Variants in UBN2 observed in about 807,000 individuals in gnomAD.
UBN2 encodes ubinuclein 2.
A neutral mutation model predicts 120.2 loss-of-function variants in UBN2; 35 were observed. That is an observed-to-expected ratio of 0.29 (90% confidence interval 0.22 to 0.39). The LOEUF is 0.39. UBN2 is among the 10% of genes least tolerant of loss of function. The pLI is 1.00. For missense variants in UBN2, 1,693 were observed against 1,663.2 expected, an observed-to-expected ratio of 1.02 and a Z score of -0.31; for synonymous variants, 661 against 648.7, an observed-to-expected ratio of 1.02 and a Z score of -0.29.
In UBN2 at chr7:139,307,985, T is replaced by G. The variant is rs780211006; in HGVS notation, c.*10149T>G. 2 of 151,838 alleles carry G rather than the reference T, an allele frequency of 1.3e-5. No homozygotes were observed. Among genetic ancestry groups the G allele is most frequent in the Non-Finnish European group, 2.9e-5 (2 of 67,936 alleles). 9.4% of individuals were successfully genotyped at this position (151,838 alleles called of 1,614,324 possible). A position where few individuals can be genotyped will look rare whatever the true frequency, so the allele number is the denominator to read the frequency against. The stretch of plus-strand genomic sequence containing the variant: ...ATATGGACCTGTGAATTTAGTAAAT[T>G]ACCCCCATGAATATACTCCTTCAGT... On this transcript the variant is annotated 3_prime_UTR_variant, in exon 18 of 18. Transcript: ENST00000473989.
chr7:139,320,092 GAA>G, the UBN2 span, among the ~76,000 whole-genome samples: 1 of 147,220 alleles, frequency 6.8e-6, no homozygotes. Context: ...AAAAAAGAGA[GAA>G]ATTTCACCCA....
At chr7:139,251,770 C>T (rs1197468315) in intron 2 of UBN2, among the ~76,000 whole-genome samples, 186 bp from the exon 3 acceptor site, 1 of 152,202 alleles carries the variant, frequency 6.6e-6, no homozygotes. Context: ...TACTCTGTCC[C>T]TCCCCTTTTT....
At chr7:139,324,721 A>G in the UBN2 span, among the ~76,000 whole-genome samples, 1 of 152,200 alleles carries the variant, frequency 6.6e-6, no homozygotes, top group African/African-American at 2.4e-5. Context: ...CTATAATCCC[A>G]GCACTTCGGG....
In UBN2 at chr7:139,297,990, A is replaced by T; in HGVS notation, c.*154A>T. On this transcript the variant is annotated 3_prime_UTR_variant, in exon 18 of 18. Transcript: ENST00000473989. ...GTGAGGAGGAAAAAGAAAAGAAAACATTACTTGAGCAAAGCCAGGTGCAGG... is the reference window on the plus strand; with the variant it reads ...GTGAGGAGGAAAAAGAAAAGAAAACTTTACTTGAGCAAAGCCAGGTGCAGG... 2 of 805,670 alleles carry T rather than the reference A, an allele frequency of 2.5e-6. No individual in the cohort carries two copies. Among genetic ancestry groups the T allele is most frequent in the Non-Finnish European group, 3.9e-6 (2 of 513,328 alleles). 49.9% of individuals were successfully genotyped at this position (805,670 alleles called of 1,614,324 possible). A position where few individuals can be genotyped will look rare whatever the true frequency, so the allele number is the denominator to read the frequency against.
chr7:139,327,771 T>A, the UBN2 span, among the ~76,000 whole-genome samples: 1 of 152,216 alleles, frequency 6.6e-6, no homozygotes, highest in African/African-American at 2.4e-5. Flanking sequence ...GGCAGTTCAG[T>A]AAGTCCAGAA....
intron 13 of UBN2, among the ~76,000 whole-genome samples, chr7:139,280,588 C>G (rs1034365970): frequency 9.2e-5 from 14 of 151,986 alleles, no homozygotes; most frequent in Non-Finnish European, 1.8e-4. Flanking sequence ...TGTGGCCTTC[C>G]TGACTTTTTT....
chr7:139,251,915 G>A (rs1563206985), intron 2 of UBN2, 41 bp from the exon 3 acceptor site: 10 of 1,570,682 alleles, frequency 6.4e-6, no homozygotes, highest in Non-Finnish European at 7.9e-6. Context: ...TATGGAAACA[G>A]CATGAGTACC....
At position 139,306,455 on chromosome 7, in the gene UBN2, T is replaced by C. The variant is rs988216739; in HGVS notation, c.*8619T>C. 5 of 152,212 alleles carry C rather than the reference T, an allele frequency of 3.3e-5. No homozygotes were observed. Among genetic ancestry groups the C allele is most frequent in the African/African-American group, 1.2e-4 (5 of 41,448 alleles). 9.4% of individuals were successfully genotyped at this position (152,212 alleles called of 1,614,324 possible). A position where few individuals can be genotyped will look rare whatever the true frequency, so the allele number is the denominator to read the frequency against. On this transcript the variant is annotated 3_prime_UTR_variant, in exon 18 of 18. Transcript: ENST00000473989. ...TTGACAAAAGTATTACTGTTATACATAGTTAATTGGAAAGTTGGCCAACTT... is the reference window on the plus strand; with the variant it reads ...TTGACAAAAGTATTACTGTTATACACAGTTAATTGGAAAGTTGGCCAACTT...
At position 139,231,638 on chromosome 7, in the gene UBN2, C is replaced by T; in HGVS notation, c.154C>T (p.Pro52Ser). 2.4e-6 allele frequency: 3 copies of T among 1,230,116 alleles called. No homozygotes were observed. The highest frequency in any genetic ancestry group is 3.0e-6 in the Non-Finnish European group (3 of 988,384). 76.2% of individuals were successfully genotyped at this position (1,230,116 alleles called of 1,614,324 possible). A position where few individuals can be genotyped will look rare whatever the true frequency, so the allele number is the denominator to read the frequency against. Residue 52 changes from proline to serine, a missense_variant, in exon 1 of 18, where the codon CCG becomes TCG. This residue lies in a region of UBN2 where 663 missense variants were observed against 591.2 expected (regional missense o/e 1.12). Coordinates refer to ENST00000473989, the MANE Select transcript of UBN2 (RefSeq NM_173569.4). The part of the protein sequence containing the change: ...PYREPARAEP[P>S]APREPAPRSD... The stretch of plus-strand genomic sequence containing the variant: ...CCGCGAGCCGGCCCGGGCGGAGCCG[C>T]CGGCCCCGCGGGAGCCTGCCCCCCG...
At chr7:139,237,126 A>G in intron 2 of UBN2, 29 bp downstream of exon 2, 1 of 1,518,070 alleles carries the variant, frequency 6.6e-7, no homozygotes, top group Non-Finnish European at 9.1e-7. Flanking sequence ...TCACTTAGGT[A>G]ATTTTATCCT....
intron 6 of UBN2, among the ~76,000 whole-genome samples, chr7:139,264,936 A>G (rs993728487): frequency 1.2e-4 from 19 of 152,124 alleles, no homozygotes; most frequent in Non-Finnish European, 2.6e-4. Context: ...TTTGGGGTAC[A>G]TGTCATAATT....
rs1226711883 is a variant in UBN2, at chr7:139,293,390, T to G, written c.3828T>G (p.Phe1276Leu). 6.2e-7 allele frequency: 1 copy of G among 1,614,164 alleles called. No individual in the cohort carries two copies. The highest frequency in any genetic ancestry group is 1.1e-5 in the South Asian group (1 of 91,090). Residue 1276 changes from phenylalanine to leucine, a missense_variant, in exon 16 of 18, where the codon TTT (phenylalanine) becomes TTG (leucine). Around this residue, in one of 5 missense-constraint regions of UBN2, gnomAD observed 837 missense variants for 817.6 expected, o/e 1.02. Coordinates refer to ENST00000473989, the MANE Select transcript of UBN2 (RefSeq NM_173569.4). Reference sequence around the variant, plus strand: ...AGTTTCCCTTGGAGATATTTGGCTTTGGAACGGACACAGCTGGAGTGACAA... The same window carrying G: ...AGTTTCCCTTGGAGATATTTGGCTTGGGAACGGACACAGCTGGAGTGACAA... ...PFQFPLEIFG[F>L]GTDTAGVTTT... is the part of the protein sequence containing the mutation.
In UBN2 at chr7:139,231,352, C is replaced by A; in HGVS notation, c.-133C>A. 4.2e-6 allele frequency: 3 copies of A among 721,032 alleles called. No individual in the cohort carries two copies. The highest frequency in any genetic ancestry group is 3.8e-6 in the Non-Finnish European group (2 of 520,836). The allele number at this position is 721,032 out of a possible 1,614,324, so 44.7% of individuals were successfully genotyped here. On this transcript the variant is annotated 5_prime_UTR_variant, in exon 1 of 18. Coordinates refer to ENST00000473989, the MANE Select transcript of UBN2 (RefSeq NM_173569.4). ...GGGACACGGTCCGCACTCACCGTGG[C>A]GCCGGCGGAGACGGCTGAGGGTGGT...
At chr7:139,265,810 A>G (rs2130993084) in intron 6 of UBN2, among the ~76,000 whole-genome samples, 1 of 152,300 alleles carries the variant, frequency 6.6e-6, no homozygotes, top group Middle Eastern at 3.4e-3. Flanking sequence ...GAGGCAAGGA[A>G]CAAGGTCTTC....
At chr7:139,267,841 TTTC>T (rs1350186996) in intron 7 of UBN2, among the ~76,000 whole-genome samples, 1 of 152,160 alleles carries the variant, frequency 6.6e-6, no homozygotes, top group East Asian at 1.9e-4. Flanking sequence ...GATGGAGTCT[TTTC>T]TGCGTGGCAG....
chr7:139,323,888 A>G, the UBN2 span, among the ~76,000 whole-genome samples: 1 of 152,134 alleles, frequency 6.6e-6, no homozygotes, highest in Non-Finnish European at 1.5e-5. Context: ...TTTGGAGGCC[A>G]TGGTAGACCT....
chr7:139,240,454 ATT>A (rs10682001), intron 2 of UBN2, among the ~76,000 whole-genome samples: 70 of 123,108 alleles, frequency 5.7e-4, no homozygotes, highest in African/African-American at 1.8e-3. Flanking sequence ...ATATATATAT[ATT>A]TTTTTTTTTA....
chr7:139,273,470 A>G, intron 10 of UBN2, 60 bp downstream of exon 10: 2 of 1,160,302 alleles, frequency 1.7e-6, no homozygotes, highest in Non-Finnish European at 2.4e-6. Context: ...TCCTCATTAA[A>G]AAAAAATCTA....
intron 6 of UBN2, among the ~76,000 whole-genome samples, chr7:139,263,854 G>A (rs968139549): frequency 1.3e-5 from 2 of 151,462 alleles, no homozygotes; most frequent in African/African-American, 4.9e-5. Flanking sequence ...TTATATACAT[G>A]TGTGACTACT....
Sources: allele counts gnomAD v4.1 joint callset (sites outside exome capture counted in the v4.1 genomes callset), GRCh38; gene constraint gnomAD v4.1.1; regional missense constraint gnomAD v4.1.1; transcripts MANE v1.5; gene names NCBI Gene and HGNC (gene_info 2026-07-23, HGNC 2026-07-21).